The following CA4 variants were observed in gnomAD, a reference collection of about 807,000 sequenced individuals.
CA4 encodes the protein carbonic anhydrase 4, also known as CA-IV.
In CA4, 24 loss-of-function variants were observed where a neutral mutation model predicts 34.5. The ratio of observed to expected loss-of-function variants is 0.70; its 90% CI spans 0.50 to 0.98. The LOEUF (loss-of-function observed/expected upper bound fraction) is 0.98. CA4 is among the 50% of genes least tolerant of loss of function. CA4 has a pLI of 0.00. For missense variants in CA4, 394 were observed against 396.7 expected, an observed-to-expected ratio of 0.99 and a Z score of 0.06; for synonymous variants, 178 against 170.6, an observed-to-expected ratio of 1.04 and a Z score of -0.34.
chr17:60,161,072 G>C (rs1390888718), downstream of CA4, among the ~76,000 whole-genome samples: 3 of 152,110 alleles, frequency 2.0e-5, no homozygotes, highest in Non-Finnish European at 2.9e-5. Flanking sequence ...GGTTAGCAGT[G>C]AGATATGAGG....
chr17:60,152,592 T>C (rs536193713), intron 1 of CA4, among the ~76,000 whole-genome samples: 1 of 152,332 alleles, frequency 6.6e-6, no homozygotes, highest in East Asian at 1.9e-4. Context: ...CTCCACCCTT[T>C]GCAGCTGGCT....
downstream of CA4, among the ~76,000 whole-genome samples, chr17:60,175,603 A>C (rs2083954577): frequency 7.7e-6 from 1 of 129,082 alleles, no homozygotes; most frequent in African/African-American, 2.9e-5. Flanking sequence ...TAGGAGTTGG[A>C]GTTTGCAGTG....
At chr17:60,152,003 T>C (rs1323571777) in intron 1 of CA4, among the ~76,000 whole-genome samples, 1 of 148,636 alleles carries the variant, frequency 6.7e-6, no homozygotes, top group East Asian at 2.0e-4. Context: ...GAGGGGGAGG[T>C]GGGGTGAGCA....
At chr17:60,155,220 C>A in intron 1 of CA4, 94 bp from the exon 2 acceptor site, 1 of 1,219,576 alleles carries the variant, frequency 8.2e-7, no homozygotes, top group Non-Finnish European at 1.2e-6. Context: ...AGAGGGGCTC[C>A]AACCCCAGGG....
chr17:60,172,563 G>A (rs118156264), downstream of CA4, among the ~76,000 whole-genome samples: 43 of 152,348 alleles, frequency 2.8e-4, no homozygotes, highest in East Asian at 8.3e-3. Flanking sequence ...AGATACATAT[G>A]TGCCGTGTGG....
At position 60,150,110 on chromosome 17, in the gene CA4, G is replaced by C. The variant is rs189605211; in HGVS notation, c.58+18G>C. ...CAGTGCAGGTGAGCTCCCGGGCTCC[G>C]GCCCCAGGTGCCCCTCGGCGGTCCC... On this transcript the variant is annotated intron_variant, in intron 1 of 7. Transcript: ENST00000300900. 1,110 of 1,589,296 alleles carry C rather than the reference G, an allele frequency of 7.0e-4. 5 individuals carry two copies. The African/African-American group carries it at 9.0e-3, about 13-fold the overall frequency.
At chr17:60,170,174 G>T (rs2083900195) in intron 5 of CA4, among the ~76,000 whole-genome samples, 1 of 152,222 alleles carries the variant, frequency 6.6e-6, no homozygotes, top group African/African-American at 2.4e-5. Context: ...GAGGATAAAT[G>T]ATCAGACTCA....
downstream of CA4, among the ~76,000 whole-genome samples, chr17:60,160,765 AGAG>A (rs2083778711): frequency 7.4e-6 from 1 of 134,882 alleles, no homozygotes; most frequent in Non-Finnish European, 1.6e-5. Flanking sequence ...AAAAAAAAAA[AGAG>A]AGAATTCAGG....
chr17:60,156,798 G>A, intron 3 of CA4, 83 bp downstream of exon 3: 1 of 1,301,022 alleles, frequency 7.7e-7, no homozygotes, highest in Non-Finnish European at 1.1e-6. Flanking sequence ...CCAGGAGGGT[G>A]TGCCAGACCC....
Position 60,156,607 on chromosome 17 carries a change from A to G in CA4, c.160A>G (p.Ile54Val), listed in dbSNP as rs1036712891. 2 of 1,614,148 alleles carry G rather than the reference A, an allele frequency of 1.2e-6. No homozygotes were observed. Among genetic ancestry groups the G allele is most frequent in the Non-Finnish European group, 1.7e-6 (2 of 1,179,964 alleles). Reference sequence around the variant, plus strand: ...CTGCCAGAAGGACCGCCAGTCCCCCATCAACATCGTCACCACCAAGGCAAA... The same window carrying G: ...CTGCCAGAAGGACCGCCAGTCCCCCGTCAACATCGTCACCACCAAGGCAAA... ...GNCQKDRQSP[I>V]NIVTTKAKVD... The change falls in exon 3 of 8, where the codon ATC (isoleucine) becomes GTC (valine). Residue 54 changes from isoleucine to valine, a missense_variant. By Grantham distance (29) the Ile-to-Val change is conservative. Transcript: ENST00000300900.
intron 2 of CA4, among the ~76,000 whole-genome samples, chr17:60,156,034 C>T (rs150741396): frequency 5.3e-5 from 8 of 152,112 alleles, no homozygotes; most frequent in Admixed American, 1.3e-4. Context: ...CACCAGGGTT[C>T]GGGGAACCAG....
chr17:60,164,353 AGTCT>A (rs201661288), downstream of CA4, among the ~76,000 whole-genome samples: 5,018 of 133,746 alleles, frequency 0.038, 108 homozygotes, highest in Non-Finnish European at 0.049. Context: ...CCCTCCCTCC[AGTCT>A]GTCTGTCTGT....
At chr17:60,162,272 T>C (rs897474685), downstream of CA4, among the ~76,000 whole-genome samples, 7 of 152,138 alleles carry the variant, frequency 4.6e-5, no homozygotes, top group African/African-American at 1.7e-4. Flanking sequence ...AGGCCGCCAC[T>C]GATGGCATTC....
At chr17:60,169,241 CCTCT>C (rs908983403) in intron 5 of CA4, among the ~76,000 whole-genome samples, 4 of 135,412 alleles carry the variant, frequency 3.0e-5, no homozygotes, top group African/African-American at 7.5e-5. Flanking sequence ...AGAGAGACTC[CCTCT>C]GTCTCAAAAA....
chr17:60,157,059 C>A, intron 3 of CA4: 2 of 517,040 alleles, frequency 3.9e-6, no homozygotes, highest in South Asian at 4.1e-5. Flanking sequence ...CCAAGCAAGG[C>A]CCAGGGGCAG....
chr17:60,158,820 C>T (rs1227289293), intron 7 of CA4: 2 of 412,790 alleles, frequency 4.8e-6, no homozygotes, highest in Non-Finnish European at 9.0e-6. Context: ...AACATCATCA[C>T]TGGGGGAATT....
intron 5 of CA4, among the ~76,000 whole-genome samples, chr17:60,166,479 T>C (rs912308271): frequency 6.6e-6 from 1 of 152,242 alleles, no homozygotes; most frequent in African/African-American, 2.4e-5. Flanking sequence ...GGTAAATGCC[T>C]ATGTAAAATT....
In CA4 at chr17:60,157,743, C is replaced by T. The variant is rs200874513; in HGVS notation, c.468C>T (p.Ala156=). Reference sequence around the variant, plus strand: ...GGACATCGAGGAATGTGAAAGAGGCCCAGGACCCTGAAGACGAAATTGCGG... The same window carrying T: ...GGACATCGAGGAATGTGAAAGAGGCTCAGGACCCTGAAGACGAAATTGCGG... ...EKGTSRNVKE[A]QDPEDEIAVL... Residue 156 remains alanine (A), a synonymous_variant, in exon 5 of 8, where the codon GCC becomes GCT. Transcript: ENST00000300900. 9.9e-6 allele frequency: 16 copies of T among 1,614,082 alleles called. No individual in the cohort carries two copies. The East Asian group carries it at 3.3e-4, about 34-fold the overall frequency.
At chr17:60,159,125 T>A (rs2083749197) in intron 7 of CA4, 105 bp from the exon 8 acceptor site, 1 of 991,320 alleles carries the variant, frequency 1.0e-6, no homozygotes, top group African/African-American at 1.6e-5. Context: ...AGCCCCTCTT[T>A]CCTAATGAGG....
Sources: gnomAD v4.1 joint callset for allele counts (sites outside exome capture counted in the v4.1 genomes callset) on GRCh38, gnomAD v4.1.1 for gene constraint, MANE v1.5 for transcripts, NCBI Gene and HGNC (gene_info 2026-07-23, HGNC 2026-07-21) for gene names.